Variants in MALRD1 observed in about 807,000 individuals in gnomAD.
MALRD1 encodes the protein MAM and LDL-receptor class A domain-containing protein 1.
A neutral mutation model predicts 242.1 loss-of-function variants in MALRD1; 247 were observed. The ratio of observed to expected loss-of-function variants is 1.02; its 90% CI spans 0.92 to 1.13. The LOEUF (loss-of-function observed/expected upper bound fraction) is 1.13. Ranked by LOEUF, MALRD1 falls within the 50% of genes most tolerant of loss-of-function variation. The probability of loss-of-function intolerance (pLI) is 0.00; values close to 1 mark genes in which losing one functional copy is unlikely to be tolerated. For missense variants in MALRD1, 2,989 were observed against 2,533.1 expected (o/e 1.18, Z -3.86); for synonymous variants, 995 against 866.6 (o/e 1.15, Z -2.60).
intron 32 of MALRD1, among the ~76,000 whole-genome samples, chr10:19,534,567 TGTG>T (rs2131358679): frequency 6.6e-6 from 1 of 152,178 alleles, no homozygotes; most frequent in East Asian, 1.9e-4. Context: ...AATCTGAACT[TGTG>T]GTGGGAAAAA....
intron 32 of MALRD1, among the ~76,000 whole-genome samples, chr10:19,563,726 C>A (rs964163833): frequency 2.0e-5 from 3 of 152,126 alleles, no homozygotes; most frequent in Admixed American, 2.0e-4. Flanking sequence ...TCTTTCAAGG[C>A]CTTATCTGGC....
At chr10:19,615,730 C>A in intron 35 of MALRD1, 127 bp from the exon 36 acceptor site, 1 of 765,530 alleles carries the variant, frequency 1.3e-6, no homozygotes, top group Non-Finnish European at 2.0e-6. Flanking sequence ...AATTCTTTTG[C>A]TTTTTGCAAC....
intron 5 of MALRD1, among the ~76,000 whole-genome samples, chr10:19,116,217 C>T (rs552150583): frequency 1.2e-4 from 19 of 152,166 alleles, no homozygotes; most frequent in African/African-American, 4.6e-4. Flanking sequence ...CTTAAAGAAA[C>T]AGCTGATTAT....
intron 30 of MALRD1, among the ~76,000 whole-genome samples, chr10:19,497,560 A>G (rs2131242772): frequency 6.6e-6 from 1 of 152,176 alleles, no homozygotes; most frequent in East Asian, 1.9e-4. Context: ...TATATTTAGT[A>G]TCTATTCTTA....
chr10:19,587,766 G>A (rs867595329), intron 33 of MALRD1, among the ~76,000 whole-genome samples: 1 of 150,934 alleles, frequency 6.6e-6, no homozygotes. Context: ...CTTGGTTACT[G>A]GGAATGTCGA....
chr10:19,515,709 G>A (rs1371046937), intron 31 of MALRD1, among the ~76,000 whole-genome samples: 6 of 151,880 alleles, frequency 4.0e-5, no homozygotes, highest in South Asian at 4.2e-4. Context: ...ACAGGCACCC[G>A]CTACAACGCC....
At chr10:19,303,418 A>G (rs1842034581) in intron 21 of MALRD1, among the ~76,000 whole-genome samples, 1 of 151,782 alleles carries the variant, frequency 6.6e-6, no homozygotes, top group Admixed American at 6.6e-5. Flanking sequence ...AATCACAGAT[A>G]TAAATAGAAA....
At chr10:19,069,534 T>C (rs1835077628) in intron 2 of MALRD1, among the ~76,000 whole-genome samples, 1 of 152,058 alleles carries the variant, frequency 6.6e-6, no homozygotes, top group East Asian at 1.9e-4. Flanking sequence ...TCATTTCTCT[T>C]CAGCTTGAAG....
intron 31 of MALRD1, among the ~76,000 whole-genome samples, chr10:19,512,174 A>ACC (rs1309974369): frequency 1.1e-4 from 16 of 152,246 alleles, no homozygotes; most frequent in African/African-American, 3.9e-4. Flanking sequence ...AGATCATGAA[A>ACC]AATGTGGTTA....
At chr10:19,347,384 G>A (rs890861106) in intron 24 of MALRD1, among the ~76,000 whole-genome samples, 3 of 151,976 alleles carry the variant, frequency 2.0e-5, no homozygotes, top group Non-Finnish European at 2.9e-5. Flanking sequence ...TTTTGCTTGG[G>A]GCAGCATTAC....
At chr10:19,331,317 G>T in intron 23 of MALRD1, 52 bp from the exon 24 acceptor site, 1 of 1,399,974 alleles carries the variant, frequency 7.1e-7, no homozygotes, top group Admixed American at 2.0e-5. Context: ...TGTTTGCCCA[G>T]GTTTTGAACT....
At chr10:19,603,533 G>C (rs1838464636) in intron 34 of MALRD1, among the ~76,000 whole-genome samples, 1 of 152,030 alleles carries the variant, frequency 6.6e-6, no homozygotes, top group Non-Finnish European at 1.5e-5. Flanking sequence ...TGAGGGCTCT[G>C]TTCTGTTCCA....
At chr10:19,422,355 T>A (rs1404693688) in intron 28 of MALRD1, among the ~76,000 whole-genome samples, 2 of 152,186 alleles carry the variant, frequency 1.3e-5, no homozygotes, top group African/African-American at 2.4e-5. Context: ...TGAGAAAATA[T>A]CTTTTAGATG....
rs1029284516 is a variant in MALRD1, at chr10:19,177,241, C to A, written c.1951+1913C>A. 4.0e-5 allele frequency among the ~76,000 whole-genome samples: 6 copies of A among 148,436 alleles called. 1 individual carries two copies. Among genetic ancestry groups the A allele is most frequent in the Non-Finnish European group, 5.9e-5 (4 of 67,666 alleles). On this transcript the variant is annotated intron_variant, in intron 14 of 39. Coordinates refer to ENST00000454679, the MANE Select transcript of MALRD1 (RefSeq NM_001142308.3). ...CTTGTAGTGAGCCGAGATCGCGCCA[C>A]TGCACTCAAGCCTGGGTGACAGAGC...
intron 33 of MALRD1, among the ~76,000 whole-genome samples, chr10:19,581,101 G>C (rs1371130868): frequency 6.6e-6 from 1 of 152,064 alleles, no homozygotes; most frequent in Non-Finnish European, 1.5e-5. Context: ...GGCTCTTATG[G>C]AGACATAAGC....
intron 29 of MALRD1, among the ~76,000 whole-genome samples, chr10:19,465,490 C>A (rs555501100): frequency 6.6e-6 from 1 of 151,944 alleles, no homozygotes. Flanking sequence ...TCTTCACATA[C>A]TCTCTGTTGA....
chr10:19,122,754 C>T (rs1837108901), intron 5 of MALRD1, among the ~76,000 whole-genome samples: 1 of 151,928 alleles, frequency 6.6e-6, no homozygotes, highest in African/African-American at 2.4e-5. Context: ...GAGATGGAGT[C>T]TCACTCTGTC....
chr10:19,336,158 A>T (rs981915249), intron 24 of MALRD1, among the ~76,000 whole-genome samples: 6 of 152,190 alleles, frequency 3.9e-5, no homozygotes, highest in Non-Finnish European at 5.9e-5. Context: ...AATCTGAATA[A>T]CACTTCTACA....
intron 29 of MALRD1, among the ~76,000 whole-genome samples, chr10:19,480,537 G>A (rs192872510): frequency 2.0e-4 from 31 of 152,236 alleles, no homozygotes; most frequent in African/African-American, 7.0e-4. Flanking sequence ...AGGCATTTTC[G>A]GCATATCAGC....
Sources: gnomAD v4.1 joint callset for allele counts (sites outside exome capture counted in the v4.1 genomes callset) on GRCh38, gnomAD v4.1.1 for gene constraint, MANE v1.5 for transcripts, NCBI Gene and HGNC (gene_info 2026-07-23, HGNC 2026-07-21) for gene names.